TGFBRAP1: variants seen among roughly 807,000 people sequenced by gnomAD.
The protein encoded by TGFBRAP1 is transforming growth factor beta receptor associated protein 1, also known as transforming growth factor-beta receptor-associated protein 1.
In TGFBRAP1, 20 loss-of-function variants were observed where a neutral mutation model predicts 83.2. The observed-to-expected ratio is 0.24, with a 90% CI of 0.17 to 0.35. The LOEUF is 0.35. Among genes scored for constraint, TGFBRAP1 ranks in the 10% least tolerant of loss-of-function variants. The pLI, the probability that TGFBRAP1 is intolerant of heterozygous loss-of-function variation, is 1.00. For missense variants in TGFBRAP1, 950 were observed against 1,099.4 expected, an observed-to-expected ratio of 0.86 and a Z score of 1.92; for synonymous variants, 415 against 459.8, an observed-to-expected ratio of 0.90 and a Z score of 1.25.
At chr2:105,251,377 C>T in the TGFBRAP1 span, among the ~76,000 whole-genome samples, 1 of 149,034 alleles carries the variant, frequency 6.7e-6, no homozygotes. Flanking sequence ...CTCTGCCCCG[C>T]CGCCCATTGT....
intron 10 of TGFBRAP1, among the ~76,000 whole-genome samples, chr2:105,272,188 C>T (rs750736428): frequency 5.3e-5 from 8 of 152,200 alleles, no homozygotes; most frequent in Non-Finnish European, 1.0e-4. Flanking sequence ...GTTGCAAGCA[C>T]CATGCTGCGC....
At chr2:105,283,004 G>A (rs1677595247) in intron 5 of TGFBRAP1, among the ~76,000 whole-genome samples, 3 of 152,096 alleles carry the variant, frequency 2.0e-5, no homozygotes, top group Admixed American at 1.3e-4. Context: ...GAATCCATCT[G>A]TGGACAATCA....
intron 1 of TGFBRAP1, among the ~76,000 whole-genome samples, chr2:105,324,612 T>C (rs901891147): frequency 2.0e-5 from 3 of 152,202 alleles, no homozygotes; most frequent in African/African-American, 7.2e-5. Flanking sequence ...TAAAAGTTTT[T>C]TTTTCCTTCT....
In TGFBRAP1 at chr2:105,282,416, CAG is replaced by C. The variant is rs573579035; in HGVS notation, c.1122-1695_1122-1694del. ...GGCCTCCGGCACGGCACTGAGGAGT[CAG>C]AGGACGGGTCCAGTTCAACGAGGAA... On this transcript the variant is annotated intron_variant, in intron 5 of 11. Coordinates refer to ENST00000393359, the MANE Select transcript of TGFBRAP1 (RefSeq NM_004257.6). 2.4e-4 allele frequency among the ~76,000 whole-genome samples: 37 copies of C among 152,332 alleles called. 2 individuals are homozygous for C. The South Asian group carries it at 7.5e-3, about 31-fold the overall frequency.
At chr2:105,294,917 CT>C (rs147938402) in intron 4 of TGFBRAP1, among the ~76,000 whole-genome samples, 16,104 of 152,070 alleles carry the variant, frequency 0.11, 1,775 homozygotes, top group African/African-American at 0.28. Context: ...TGTGGCCCCC[CT>C]GGACTTCCAC....
At chr2:105,315,722 A>G (rs1678834759) in intron 1 of TGFBRAP1, among the ~76,000 whole-genome samples, 1 of 152,228 alleles carries the variant, frequency 6.6e-6, no homozygotes, top group South Asian at 2.1e-4. Flanking sequence ...ATGAGGATGT[A>G]GAACAACTGG....
downstream of TGFBRAP1, among the ~76,000 whole-genome samples, chr2:105,263,103 C>T (rs1056388004): frequency 2.0e-5 from 3 of 152,194 alleles, no homozygotes; most frequent in Admixed American, 6.5e-5. Flanking sequence ...AATTTACATA[C>T]TCTCTCTCCA....
intron 1 of TGFBRAP1, among the ~76,000 whole-genome samples, chr2:105,328,609 A>G (rs115499961): frequency 2.3e-3 from 345 of 152,318 alleles, no homozygotes; most frequent in African/African-American, 8.1e-3. Context: ...ACAACGCAGT[A>G]GGATCTTCCC....
In TGFBRAP1 at chr2:105,284,400, T is replaced by C. The variant is rs746022436; in HGVS notation, c.1039-2A>G. 1 of 1,613,830 alleles carries C rather than the reference T, an allele frequency of 6.2e-7. No individual in the cohort carries two copies. Among genetic ancestry groups the C allele is most frequent in the Non-Finnish European group, 8.5e-7 (1 of 1,179,764 alleles). On this transcript the variant is annotated splice_acceptor_variant, in intron 4 of 11. Transcript: ENST00000393359. LOFTEE classifies it high-confidence loss of function. ...CTGCAGAATCCTTCTGTACATTACC[T>C]GCAAGGAAAGACGGGTGTAATCTCT...
At chr2:105,317,567 T>A (rs1372616887) in intron 1 of TGFBRAP1, among the ~76,000 whole-genome samples, 4 of 152,164 alleles carry the variant, frequency 2.6e-5, no homozygotes, top group African/African-American at 9.7e-5. Context: ...AATATTCTCA[T>A]GACCTTCTTA....
At chr2:105,312,688 C>G (rs1678732544) in intron 1 of TGFBRAP1, among the ~76,000 whole-genome samples, 1 of 152,246 alleles carries the variant, frequency 6.6e-6, no homozygotes. Context: ...TTTAAAGATT[C>G]TGCCACTGGT....
At chr2:105,252,990 G>A in the TGFBRAP1 span, among the ~76,000 whole-genome samples, 1,320 of 152,126 alleles carry the variant, frequency 8.7e-3, 15 homozygotes, top group African/African-American at 0.023. Context: ...TCCTGACCTC[G>A]TGATCTGCCC....
chr2:105,252,053 C>T, the TGFBRAP1 span, among the ~76,000 whole-genome samples: 1 of 150,804 alleles, frequency 6.6e-6, no homozygotes, highest in Non-Finnish European at 1.5e-5. Context: ...GACCTTTGTT[C>T]ACTTATCTGC....
At chr2:105,316,476 C>CGT (rs1678877931) in intron 1 of TGFBRAP1, among the ~76,000 whole-genome samples, 1 of 64,472 alleles carries the variant, frequency 1.6e-5, no homozygotes, top group Non-Finnish European at 3.7e-5. Flanking sequence ...CGCGCGCGCG[C>CGT]GCGCACGCGC....
At chr2:105,282,780 T>A (rs1488759546) in intron 5 of TGFBRAP1, among the ~76,000 whole-genome samples, 1 of 150,708 alleles carries the variant, frequency 6.6e-6, no homozygotes, top group African/African-American at 2.4e-5. Flanking sequence ...GAGCTATGAT[T>A]GCACCACTGC....
chr2:105,311,161 A>C (rs376412652), intron 1 of TGFBRAP1, among the ~76,000 whole-genome samples: 12 of 106,860 alleles, frequency 1.1e-4, no homozygotes, highest in East Asian at 4.6e-4. Flanking sequence ...AAAAAAAAAA[A>C]CAAAAAACAA....
At chr2:105,255,526 G>C in the TGFBRAP1 span, among the ~76,000 whole-genome samples, 2 of 151,826 alleles carry the variant, frequency 1.3e-5, no homozygotes, top group Admixed American at 6.6e-5. Context: ...TCACTATGTT[G>C]TCCAGGCTGG....
At chr2:105,298,820 C>G (rs941492433) in intron 2 of TGFBRAP1, 115 bp from the exon 3 acceptor site, 3 of 941,866 alleles carry the variant, frequency 3.2e-6, no homozygotes, top group African/African-American at 3.4e-5. Flanking sequence ...CCTGTACAGT[C>G]TTATATTTCA....
chr2:105,254,054 C>T, the TGFBRAP1 span, among the ~76,000 whole-genome samples: 227 of 150,918 alleles, frequency 1.5e-3, 7 homozygotes, highest in East Asian at 0.036. Context: ...TTTGGATATT[C>T]AAGGTTTTTT....
Sources: gnomAD v4.1 joint callset for allele counts (sites outside exome capture counted in the v4.1 genomes callset) on GRCh38, gnomAD v4.1.1 for gene constraint, MANE v1.5 for transcripts, NCBI Gene and HGNC (gene_info 2026-07-23, HGNC 2026-07-21) for gene names.